Variants in ZNF420 observed in about 807,000 individuals in gnomAD.
ZNF420 encodes zinc finger protein 420.
ZNF420 carries 31 observed loss-of-function variants against 44.7 expected under a neutral mutation model. The observed-to-expected ratio is 0.69, with a 90% CI of 0.52 to 0.94. ZNF420 has a LOEUF of 0.94. Among genes scored for constraint, ZNF420 ranks in the 40% least tolerant of loss-of-function variants. ZNF420 has a pLI of 0.00. For synonymous variants in ZNF420, 245 were observed against 267.4 expected (o/e 0.92, Z 0.82); for missense variants, 681 against 827.9 (o/e 0.82, Z 2.18).
At chr19:37,077,136 A>C (rs1294308456), upstream of ZNF420, among the ~76,000 whole-genome samples, 1 of 152,224 alleles carries the variant, frequency 6.6e-6, no homozygotes, top group Admixed American at 6.5e-5. Context: ...AAAAATCATA[A>C]AAGGCCAAGA....
intron 1 of ZNF420, among the ~76,000 whole-genome samples, chr19:37,042,668 G>A (rs149386475): frequency 9.2e-5 from 14 of 152,298 alleles, no homozygotes; most frequent in African/African-American, 2.6e-4. Flanking sequence ...GGCACTATCC[G>A]TAGTAATTAG....
At position 37,039,903 on chromosome 19, in the gene ZNF420, T is replaced by C. The variant is rs151307019; in HGVS notation, c.-125+31821T>C. On this transcript the variant is annotated intron_variant, in intron 1 of 4. Coordinates refer to the ZNF420 transcript ENST00000587029. ...GTTTTTTTGTTTGTTTGTTTGTTGT[T>C]GTTGTTTGTAGAGACAGGGTTTCAC... Among the ~76,000 whole-genome samples the C allele has an allele frequency of 6.2e-3, 940 of 152,176 alleles. 28 individuals carry two copies. The highest frequency in any genetic ancestry group is 0.05 in the East Asian group (258 of 5,166).
intron 1 of ZNF420, among the ~76,000 whole-genome samples, chr19:37,010,892 A>G (rs1003763828): frequency 6.6e-6 from 1 of 152,160 alleles, no homozygotes; most frequent in Non-Finnish European, 1.5e-5. Context: ...GGAGCAGACA[A>G]ACGTCAAAGA....
At chr19:37,032,436 T>G (rs1599605500) in intron 1 of ZNF420, among the ~76,000 whole-genome samples, 2 of 133,296 alleles carry the variant, frequency 1.5e-5, no homozygotes, top group African/African-American at 5.8e-5. Flanking sequence ...ACCTGGGAGG[T>G]GGAGGTTGCA....
Position 37,129,075 on chromosome 19 carries a change from A to C in ZNF420, c.*17A>C. The C allele has an allele frequency of 6.3e-7, 1 of 1,599,716 alleles. No individual in the cohort carries two copies. The highest frequency in any genetic ancestry group is 1.1e-5 in the South Asian group (1 of 89,526). Reference sequence around the variant, plus strand: ...TACATGTGAATTGTCTGATTATTTGAGATCACTATGAAGAGGTTCTCTGGT... The same window carrying C: ...TACATGTGAATTGTCTGATTATTTGCGATCACTATGAAGAGGTTCTCTGGT... On this transcript the variant is annotated 3_prime_UTR_variant, in exon 5 of 5. Transcript: ENST00000337995.
chr19:37,008,917 T>C (rs1323907803), intron 1 of ZNF420, among the ~76,000 whole-genome samples: 1 of 152,238 alleles, frequency 6.6e-6, no homozygotes, highest in Non-Finnish European at 1.5e-5. Context: ...ATTGTTTCCC[T>C]CTGCAAACTT....
chr19:37,089,525 C>T (rs1384066619), intron 3 of ZNF420, among the ~76,000 whole-genome samples: 1 of 152,088 alleles, frequency 6.6e-6, no homozygotes, highest in African/African-American at 2.4e-5. Flanking sequence ...ATGTGGCAAG[C>T]GCTCATGCTT....
chr19:37,126,626 T>C (rs945368634), intron 4 of ZNF420, among the ~76,000 whole-genome samples: 3 of 152,214 alleles, frequency 2.0e-5, no homozygotes, highest in Non-Finnish European at 4.4e-5. Context: ...GGTGTAATGT[T>C]GGACAGCTAT....
At chr19:37,055,492 CCAT>C (rs1167281111) in intron 1 of ZNF420, among the ~76,000 whole-genome samples, 7 of 152,238 alleles carry the variant, frequency 4.6e-5, no homozygotes, top group Non-Finnish European at 1.0e-4. Context: ...GCCCGCTACT[CCAT>C]CAACACTCCA....
intron 1 of ZNF420, among the ~76,000 whole-genome samples, chr19:37,056,823 C>T (rs1018524660): frequency 2.0e-5 from 3 of 152,174 alleles, no homozygotes; most frequent in African/African-American, 7.2e-5. Flanking sequence ...GACAGGACTC[C>T]GGGAGTGCGG....
At chr19:37,111,201 G>T (rs1411223395) in intron 4 of ZNF420, among the ~76,000 whole-genome samples, 3 of 138,500 alleles carry the variant, frequency 2.2e-5, no homozygotes, top group Non-Finnish European at 3.1e-5. Flanking sequence ...TTGGAGTGGG[G>T]CTAAGGGATC....
chr19:37,097,148 C>T (rs942174764), intron 4 of ZNF420, among the ~76,000 whole-genome samples: 8 of 152,060 alleles, frequency 5.3e-5, no homozygotes, highest in Admixed American at 1.3e-4. Flanking sequence ...CTGCCTGCCT[C>T]GGCCTCCCAA....
In ZNF420 at chr19:37,130,215, CAGA is replaced by C; in HGVS notation, c.*1160_*1162del. On this transcript the variant is annotated 3_prime_UTR_variant, in exon 5 of 5. Coordinates refer to ENST00000337995, the MANE Select transcript of ZNF420 (RefSeq NM_144689.5). ...TGTTATGGATCATGGAGCAGAAATA[CAGA>C]AGGAGTCTGCAACCCTGATGACTTT... The C allele has an allele frequency of 1.9e-6, 3 of 1,548,558 alleles. No homozygotes were observed. The highest frequency in any genetic ancestry group is 2.5e-5 in the East Asian group (1 of 40,788).
chr19:37,129,068 T>G lies in ZNF420; in HGVS notation c.*10T>G, dbSNP rs372261982. 1.2e-6 allele frequency: 2 copies of G among 1,602,740 alleles called. No individual in the cohort carries two copies. Among genetic ancestry groups the G allele is most frequent in the African/African-American group, 2.7e-5 (2 of 74,610 alleles). On this transcript the variant is annotated 3_prime_UTR_variant, in exon 5 of 5. Transcript: ENST00000337995. ...ACAAGTTTACATGTGAATTGTCTGA[T>G]TATTTGAGATCACTATGAAGAGGTT...
chr19:37,009,298 A>G (rs1300628850), intron 1 of ZNF420, among the ~76,000 whole-genome samples: 1 of 151,976 alleles, frequency 6.6e-6, no homozygotes, highest in Non-Finnish European at 1.5e-5. Flanking sequence ...TCTTTACAGA[A>G]ACCTCTCCGC....
At chr19:37,118,704 T>C (rs1192972475) in intron 4 of ZNF420, among the ~76,000 whole-genome samples, 1 of 151,654 alleles carries the variant, frequency 6.6e-6, no homozygotes, top group Admixed American at 6.6e-5. Flanking sequence ...GACCCATCAG[T>C]GTGCTGTATT....
intron 2 of ZNF420, among the ~76,000 whole-genome samples, chr19:37,085,939 A>T (rs2222355): frequency 0.26 from 3,830 of 14,716 alleles, 152 homozygotes; most frequent in African/African-American, 0.45. Context: ...CTGATGTTTT[A>T]TTATTATTAT....
intron 4 of ZNF420, chr19:37,106,987 T>C (rs935458581): frequency 6.6e-6 from 1 of 152,054 alleles, no homozygotes; most frequent in African/African-American, 2.4e-5. Context: ...GTATTACCAC[T>C]AGCATGTCTC....
At chr19:37,015,194 G>C (rs2074600875) in intron 1 of ZNF420, among the ~76,000 whole-genome samples, 1 of 152,122 alleles carries the variant, frequency 6.6e-6, no homozygotes, top group Admixed American at 6.5e-5. Flanking sequence ...TCGTGCGCTG[G>C]AGCGCGGTTT....
Sources: allele counts gnomAD v4.1 joint callset (sites outside exome capture counted in the v4.1 genomes callset), GRCh38; gene constraint gnomAD v4.1.1; transcripts MANE v1.5; gene names NCBI Gene and HGNC (gene_info 2026-07-23, HGNC 2026-07-21).